The following SEMA3C variants were observed in gnomAD, a reference collection of about 807,000 sequenced individuals.
SEMA3C encodes semaphorin 3C.
In SEMA3C, 47 loss-of-function variants were observed where a neutral mutation model predicts 89.4. The observed-to-expected ratio is 0.53, with a 90% CI of 0.42 to 0.67. The LOEUF (loss-of-function observed/expected upper bound fraction) is 0.67, where lower values mean the gene tolerates loss of function less well. SEMA3C is among the 30% of genes least tolerant of loss of function. The pLI is 0.00. For missense variants in SEMA3C, 839 were observed against 929.1 expected, an observed-to-expected ratio of 0.90 and a Z score of 1.26; for synonymous variants, 310 against 320.2, an observed-to-expected ratio of 0.97 and a Z score of 0.34.
intron 2 of SEMA3C, among the ~76,000 whole-genome samples, chr7:80,890,316 C>A (rs909454603): frequency 2.6e-5 from 4 of 152,104 alleles, no homozygotes; most frequent in African/African-American, 9.7e-5. Flanking sequence ...CAAGCATTCC[C>A]AAATATTTCT....
upstream of SEMA3C, among the ~76,000 whole-genome samples, chr7:80,920,226 C>A (rs1792382128): frequency 1.3e-5 from 2 of 152,106 alleles, no homozygotes; most frequent in Non-Finnish European, 2.9e-5. Flanking sequence ...CTCCGGACCA[C>A]AATAAACTAG....
intron 2 of SEMA3C, chr7:80,905,965 T>TA (rs781675178): frequency 5.4e-6 from 6 of 1,108,282 alleles, no homozygotes; most frequent in Non-Finnish European, 7.3e-6. Context: ...GTTTTTTTTT[T>TA]AACTGAATAA....
chr7:80,893,363 A>G (rs1236117828), intron 2 of SEMA3C, among the ~76,000 whole-genome samples: 4 of 152,104 alleles, frequency 2.6e-5, no homozygotes, highest in Non-Finnish European at 5.9e-5. Flanking sequence ...TGTCTACACC[A>G]TTGTTCTATC....
At chr7:80,900,873 AAAGAG>A (rs1791863569) in intron 2 of SEMA3C, among the ~76,000 whole-genome samples, 1 of 152,260 alleles carries the variant, frequency 6.6e-6, no homozygotes, top group South Asian at 2.1e-4. Flanking sequence ...CTGAGATAAC[AAAGAG>A]AAAAGAATGA....
intron 2 of SEMA3C, among the ~76,000 whole-genome samples, chr7:80,856,067 T>C (rs932494482): frequency 1.3e-5 from 2 of 152,208 alleles, no homozygotes; most frequent in African/African-American, 4.8e-5. Context: ...TTTCACACAT[T>C]AGCAAAGGAA....
At position 80,761,523 on chromosome 7, in the gene SEMA3C, C is replaced by T. The variant is rs145505943; in HGVS notation, c.1485+93G>A. 3,168 of 686,964 alleles carry T rather than the reference C, an allele frequency of 4.6e-3. 16 individuals are homozygous for T. The highest frequency in any genetic ancestry group is 9.9e-3 in the Middle Eastern group (22 of 2,230). The allele number at this position is 686,964 out of a possible 1,614,324, so 42.6% of individuals were successfully genotyped here. ...AGTAGTACTCTTTATTTTGTTAGTACGATAACTAATTATTCAGAAGTTATA... is the reference window on the plus strand; with the variant it reads ...AGTAGTACTCTTTATTTTGTTAGTATGATAACTAATTATTCAGAAGTTATA... On this transcript the variant is annotated intron_variant, in intron 14 of 17. Coordinates refer to ENST00000265361, the MANE Select transcript of SEMA3C (RefSeq NM_006379.5).
chr7:80,852,447 A>G (rs1033699063), intron 2 of SEMA3C, among the ~76,000 whole-genome samples: 1 of 152,182 alleles, frequency 6.6e-6, no homozygotes, highest in Non-Finnish European at 1.5e-5. Context: ...GGATTTTTTG[A>G]GTAGTACCCC....
chr7:80,914,296 T>C (rs1450621454), intron 2 of SEMA3C, among the ~76,000 whole-genome samples: 1 of 152,110 alleles, frequency 6.6e-6, no homozygotes, highest in Non-Finnish European at 1.5e-5. Context: ...ATAAACTACT[T>C]TGGAGGAAAC....
intron 13 of SEMA3C, among the ~76,000 whole-genome samples, chr7:80,763,871 G>A (rs1788239883): frequency 6.6e-6 from 1 of 152,008 alleles, no homozygotes. Flanking sequence ...TATAAAACAA[G>A]GCATGAAAAA....
intron 2 of SEMA3C, among the ~76,000 whole-genome samples, chr7:80,864,295 C>A (rs754175014): frequency 6.6e-6 from 1 of 151,816 alleles, no homozygotes; most frequent in Non-Finnish European, 1.5e-5. Context: ...GTGCAGTGTA[C>A]AATGCTCAGG....
At position 80,828,763 on chromosome 7, in the gene SEMA3C, A is replaced by C. The variant is rs1789940725; in HGVS notation, c.104-18T>G. The C allele has an allele frequency of 6.3e-6, 10 of 1,588,198 alleles. No homozygotes were observed. Among genetic ancestry groups the C allele is most frequent in the Non-Finnish European group, 8.6e-6 (10 of 1,162,602 alleles). ...TCGAAGTTCTGAAAGAGTGAACAGCACAAGTGTAGATACAGTATCCTGGTT... is the reference window on the plus strand; with the variant it reads ...TCGAAGTTCTGAAAGAGTGAACAGCCCAAGTGTAGATACAGTATCCTGGTT... On this transcript the variant is annotated intron_variant, in intron 2 of 17. Coordinates refer to ENST00000265361, the MANE Select transcript of SEMA3C (RefSeq NM_006379.5).
intron 12 of SEMA3C, among the ~76,000 whole-genome samples, chr7:80,777,830 G>C (rs1408793111): frequency 1.3e-5 from 2 of 152,122 alleles, no homozygotes; most frequent in African/African-American, 4.8e-5. Context: ...TAAGGCCAGT[G>C]GTTTTACTAA....
chr7:80,745,134 G>T lies in SEMA3C; in HGVS notation c.2016C>A (p.Asp672Glu). The change falls in exon 18 of 18, where the codon GAC (aspartate) becomes GAA (glutamate). Residue 672 changes from aspartate to glutamate, a missense_variant. Physicochemically the swap from Asp to Glu is conservative, Grantham distance 45. Coordinates refer to ENST00000265361, the MANE Select transcript of SEMA3C (RefSeq NM_006379.5). ...LDSEMVAVVT[D>E]KWSPWTWASS... ...TGGCCCAGGTCCATGGGGACCATTT[G>T]TCCGTCACAACAGCCACCATTTCTG... is the stretch of plus-strand genomic sequence containing the variant. 1 of 1,613,952 alleles carries T rather than the reference G, an allele frequency of 6.2e-7. No homozygotes were observed. Among genetic ancestry groups the T allele is most frequent in the Non-Finnish European group, 8.5e-7 (1 of 1,179,968 alleles).
upstream of SEMA3C, among the ~76,000 whole-genome samples, chr7:80,922,009 A>C (rs1201667280): frequency 1.3e-5 from 2 of 152,216 alleles, no homozygotes; most frequent in Admixed American, 6.5e-5. Context: ...AATATTAATC[A>C]TTCAGAGGTT....
chr7:80,919,859 C>T (rs1234481619), upstream of SEMA3C, among the ~76,000 whole-genome samples: 2 of 152,106 alleles, frequency 1.3e-5, no homozygotes, highest in Non-Finnish European at 2.9e-5. Context: ...CCGCGCCGGG[C>T]CTCTGTTGCG....
chr7:80,833,461 A>G (rs1169803650), intron 2 of SEMA3C, among the ~76,000 whole-genome samples: 2 of 147,972 alleles, frequency 1.4e-5, no homozygotes, highest in Non-Finnish European at 3.0e-5. Flanking sequence ...GACTCTGTCT[A>G]AAAAAAAAAG....
intron 12 of SEMA3C, among the ~76,000 whole-genome samples, chr7:80,778,974 T>C (rs1788629550): frequency 6.6e-6 from 1 of 152,084 alleles, no homozygotes; most frequent in Non-Finnish European, 1.5e-5. Context: ...CTGCATGGTC[T>C]CCTAGAGTGA....
At chr7:80,913,195 G>A (rs907374543) in intron 2 of SEMA3C, among the ~76,000 whole-genome samples, 1 of 152,188 alleles carries the variant, frequency 6.6e-6, no homozygotes, top group African/African-American at 2.4e-5. Flanking sequence ...GAAGTCAGGA[G>A]TTCGAGACCA....
intron 8 of SEMA3C, 134 bp downstream of exon 8, chr7:80,803,972 G>T: frequency 2.6e-6 from 2 of 759,652 alleles, no homozygotes; most frequent in Non-Finnish European, 3.9e-6. Flanking sequence ...TAATAATGAT[G>T]ATGAATAAAT....
Sources: allele counts gnomAD v4.1 joint callset (sites outside exome capture counted in the v4.1 genomes callset), GRCh38; gene constraint gnomAD v4.1.1; transcripts MANE v1.5; gene names NCBI Gene and HGNC (gene_info 2026-07-23, HGNC 2026-07-21).